Variants in GABRG2 observed in about 807,000 individuals in gnomAD.
GABRG2 encodes the protein gamma-aminobutyric acid receptor subunit gamma-2.
In GABRG2, 16 loss-of-function variants were observed where a neutral mutation model predicts 56.4. The ratio of observed to expected loss-of-function variants is 0.28; its 90% CI spans 0.19 to 0.43. GABRG2 has a LOEUF of 0.43. GABRG2 is among the 20% of genes least tolerant of loss of function. The pLI is 1.00. For synonymous variants in GABRG2, 208 were observed against 205.5 expected, an observed-to-expected ratio of 1.01 and a Z score of -0.10; for missense variants, 327 against 582.7, an observed-to-expected ratio of 0.56 and a Z score of 4.52.
chr5:162,097,605 AC>A (rs1455264525), intron 3 of GABRG2, 32 bp from the exon 4 acceptor site: 1 of 1,456,018 alleles, frequency 6.9e-7, no homozygotes, highest in Non-Finnish European at 9.6e-7. Flanking sequence ...CTTACTGTGT[AC>A]AAATTTTCTG....
At chr5:162,126,243 G>C (rs1476712019) in intron 6 of GABRG2, among the ~76,000 whole-genome samples, 3 of 151,942 alleles carry the variant, frequency 2.0e-5, no homozygotes, top group Non-Finnish European at 2.9e-5. Context: ...TGCAGCTATT[G>C]AGAGTATGAC....
chr5:162,142,389 T>A, intron 7 of GABRG2, 73 bp downstream of exon 7: 1 of 1,450,788 alleles, frequency 6.9e-7, no homozygotes, highest in Non-Finnish European at 9.7e-7. Flanking sequence ...TGTCCATTTC[T>A]ATGTTGATCT....
intron 7 of GABRG2, among the ~76,000 whole-genome samples, chr5:162,144,347 T>A (rs1277003991): frequency 1.3e-5 from 2 of 152,222 alleles, no homozygotes; most frequent in African/African-American, 4.8e-5. Flanking sequence ...AAGCCTGGAT[T>A]CTTGCTGGCC....
intron 2 of GABRG2, 61 bp downstream of exon 2, chr5:162,094,040 T>C (rs915634646): frequency 3.9e-6 from 6 of 1,524,948 alleles, no homozygotes; most frequent in Middle Eastern, 1.7e-4. Flanking sequence ...TCTACTTTAA[T>C]AGATAAAACA....
chr5:162,079,677 A>G (rs1277326024), intron 1 of GABRG2, among the ~76,000 whole-genome samples: 1 of 152,036 alleles, frequency 6.6e-6, no homozygotes, highest in Admixed American at 6.6e-5. Context: ...TTACTTGTAG[A>G]CAATGTCATA....
At chr5:162,100,875 A>T (rs1221964885) in intron 4 of GABRG2, among the ~76,000 whole-genome samples, 1 of 152,196 alleles carries the variant, frequency 6.6e-6, no homozygotes, top group South Asian at 2.1e-4. Context: ...AGCAAACAGT[A>T]AACGAGCTTA....
chr5:162,100,538 C>T (rs897696606), intron 4 of GABRG2: 2 of 152,154 alleles, frequency 1.3e-5, no homozygotes, highest in African/African-American at 4.8e-5. Context: ...CTGAGAAAAT[C>T]TGTATACTTT....
intron 1 of GABRG2, among the ~76,000 whole-genome samples, chr5:162,076,734 G>A (rs1488774048): frequency 6.6e-6 from 1 of 152,174 alleles, no homozygotes; most frequent in Non-Finnish European, 1.5e-5. Context: ...AGTGGAAGCA[G>A]TGGTTGTGGA....
At chr5:162,143,675 A>G (rs1232831489) in intron 7 of GABRG2, among the ~76,000 whole-genome samples, 1 of 152,188 alleles carries the variant, frequency 6.6e-6, no homozygotes, top group Non-Finnish European at 1.5e-5. Context: ...TTGACATCAC[A>G]CATTTAGGAT....
At chr5:162,089,788 C>T (rs2113266025) in intron 1 of GABRG2, among the ~76,000 whole-genome samples, 1 of 152,110 alleles carries the variant, frequency 6.6e-6, no homozygotes, top group South Asian at 2.1e-4. Flanking sequence ...ATTTCTCATC[C>T]AAATATTTGC....
chr5:162,093,686 T>C lies in GABRG2; in HGVS notation c.108-142T>C, dbSNP rs915562392. 3.8e-6 allele frequency: 3 copies of C among 789,588 alleles called. No individual in the cohort carries two copies. In the African/African-American group the frequency reaches 5.1e-5, roughly 14 times the overall value. 48.9% of individuals were successfully genotyped at this position (789,588 alleles called of 1,614,324 possible). On this transcript the variant is annotated intron_variant, in intron 1 of 9. Transcript: ENST00000639213. Reference sequence around the variant, plus strand: ...GTTAGTCTCCATCTATGCAGTTTAATTAGCACAACCCTCAAGGGAGAATTT... The same window carrying C: ...GTTAGTCTCCATCTATGCAGTTTAACTAGCACAACCCTCAAGGGAGAATTT...
chr5:162,141,258 C>T (rs1226260688), intron 6 of GABRG2, among the ~76,000 whole-genome samples: 2 of 152,084 alleles, frequency 1.3e-5, no homozygotes, highest in Admixed American at 1.3e-4. Context: ...AGGATGGTCT[C>T]GATTTCCTGA....
chr5:162,150,010 C>G (rs1765253367), intron 8 of GABRG2: 1 of 173,816 alleles, frequency 5.8e-6, no homozygotes, highest in Middle Eastern at 2.7e-3. Context: ...TCAAGGCTGA[C>G]TACATTTTTG....
chr5:162,089,269 A>G (rs1356120995), intron 1 of GABRG2, among the ~76,000 whole-genome samples: 3 of 152,254 alleles, frequency 2.0e-5, no homozygotes, highest in East Asian at 1.9e-4. Flanking sequence ...TGATGTACGG[A>G]ACAAGAAATT....
intron 5 of GABRG2, chr5:162,102,510 T>TTTGTTG (rs573973136): frequency 8.8e-6 from 4 of 453,908 alleles, no homozygotes; most frequent in South Asian, 3.1e-5. Context: ...TATCATCATT[T>TTTGTTG]TTGTTGTTGT....
At chr5:162,117,669 C>T (rs1224791068) in intron 6 of GABRG2, among the ~76,000 whole-genome samples, 1 of 152,084 alleles carries the variant, frequency 6.6e-6, no homozygotes, top group Non-Finnish European at 1.5e-5. Flanking sequence ...TGCCATATGG[C>T]TAGTTATGAG....
At chr5:162,072,527 ATACT>A (rs1270588809) in intron 1 of GABRG2, among the ~76,000 whole-genome samples, 1 of 152,082 alleles carries the variant, frequency 6.6e-6, no homozygotes, top group Non-Finnish European at 1.5e-5. Flanking sequence ...TCCAGATGTG[ATACT>A]TTATTCAGGT....
intron 6 of GABRG2, among the ~76,000 whole-genome samples, chr5:162,110,173 A>G (rs1762154703): frequency 6.6e-6 from 1 of 152,150 alleles, no homozygotes; most frequent in Admixed American, 6.6e-5. Context: ...GTGTACCACT[A>G]AATTTATCTT....
intron 6 of GABRG2, among the ~76,000 whole-genome samples, chr5:162,116,037 T>C (rs1213183996): frequency 1.3e-5 from 2 of 151,890 alleles, no homozygotes; most frequent in African/African-American, 4.8e-5. Context: ...TGTAAGTTAC[T>C]GAATAGACAC....
Sources: gnomAD v4.1 joint callset for allele counts (sites outside exome capture counted in the v4.1 genomes callset) on GRCh38, gnomAD v4.1.1 for gene constraint, MANE v1.5 for transcripts, NCBI Gene and HGNC (gene_info 2026-07-23, HGNC 2026-07-21) for gene names.